ASB13: variants seen among roughly 807,000 people sequenced by gnomAD.
ASB13 encodes ankyrin repeat and SOCS box protein 13.
In ASB13, 33 loss-of-function variants were observed where a neutral mutation model predicts 28.8. The ratio of observed to expected loss-of-function variants is 1.15; its 90% CI spans 0.87 to 1.53. The LOEUF is 1.53. Among genes scored for constraint, ASB13 ranks in the 40% most tolerant of loss-of-function variants. The probability of loss-of-function intolerance (pLI) is 0.00; values close to 1 mark genes in which losing one functional copy is unlikely to be tolerated. For synonymous variants in ASB13, 182 were observed against 172.9 expected (o/e 1.05, Z -0.41); for missense variants, 414 against 390.1 (o/e 1.06, Z -0.52).
At chr10:5,648,265 A>G (rs149694830) in intron 4 of ASB13, among the ~76,000 whole-genome samples, 2,617 of 144,420 alleles carry the variant, frequency 0.018, 55 homozygotes, top group Admixed American at 0.056. Flanking sequence ...ACACCCACTC[A>G]GGTAAACACC....
chr10:5,642,768 T>C lies in ASB13; in HGVS notation c.518-807A>G, dbSNP rs1834829979. Among the ~76,000 whole-genome samples the C allele has an allele frequency of 6.6e-6, 1 of 151,820 alleles. No homozygotes were observed. The highest frequency in any genetic ancestry group is 2.4e-5 in the African/African-American group (1 of 41,344). On this transcript the variant is annotated intron_variant, in intron 4 of 5. Coordinates refer to ENST00000357700, the MANE Select transcript of ASB13 (RefSeq NM_024701.4). This position sits in a 1 kb window ranked among gnomAD's most constrained non-coding sequence, Gnocchi z 4.1. ...TTCAAGCGATTCTCCTGCCTCAGCCTCCCGAGTTGCTGGGATGACAGGTGT... is the reference window on the plus strand; with the variant it reads ...TTCAAGCGATTCTCCTGCCTCAGCCCCCCGAGTTGCTGGGATGACAGGTGT...
At chr10:5,662,772 CCA>C (rs1220782175) in intron 1 of ASB13, among the ~76,000 whole-genome samples, 2 of 152,042 alleles carry the variant, frequency 1.3e-5, no homozygotes, top group African/African-American at 4.8e-5. Flanking sequence ...GACAAAGAGA[CCA>C]CAGAGGAAAA....
rs1389520269 is a variant in ASB13, at chr10:5,641,688, C to A, written c.709+82G>T. 2.8e-6 allele frequency: 4 copies of A among 1,422,610 alleles called. No homozygotes were observed. The highest frequency in any genetic ancestry group is 3.8e-6 in the Non-Finnish European group (4 of 1,052,842). 88.1% of individuals were successfully genotyped at this position (1,422,610 alleles called of 1,614,324 possible). A position where few individuals can be genotyped will look rare whatever the true frequency, so the allele number is the denominator to read the frequency against. On this transcript the variant is annotated intron_variant, in intron 5 of 5. Coordinates refer to ENST00000357700, the MANE Select transcript of ASB13 (RefSeq NM_024701.4). This position sits in a 1 kb window ranked among gnomAD's most constrained non-coding sequence, Gnocchi z 8.4. Reference sequence around the variant, plus strand: ...CCAGGACTAACAGCCCAGCTCTCCGCGGAAGCCCACAGGGAGCCGGCACGT... The same window carrying A: ...CCAGGACTAACAGCCCAGCTCTCCGAGGAAGCCCACAGGGAGCCGGCACGT...
intron 4 of ASB13, among the ~76,000 whole-genome samples, chr10:5,643,241 TTCCCGACAG>T (rs1395014060): frequency 6.6e-6 from 1 of 152,182 alleles, no homozygotes; most frequent in Non-Finnish European, 1.5e-5. Flanking sequence ...ATGCCATCAC[TTCCCGACAG>T]TCTCAGAGGG....
rs1834862529 is a variant in ASB13, at chr10:5,645,033, G to C, written c.518-3072C>G. Among the ~76,000 whole-genome samples the C allele has an allele frequency of 1.3e-5, 2 of 151,994 alleles. No individual in the cohort carries two copies. ...AAACAAGCAGGGAATTAAAAGCTCTGAACTTCGTGCTTCAGAGAAAAGGGG... is the reference window on the plus strand; with the variant it reads ...AAACAAGCAGGGAATTAAAAGCTCTCAACTTCGTGCTTCAGAGAAAAGGGG... On this transcript the variant is annotated intron_variant, in intron 4 of 5. Transcript: ENST00000357700. This position sits in a 1 kb window ranked among gnomAD's most constrained non-coding sequence, Gnocchi z 5.4.
In ASB13 at chr10:5,656,405, G is replaced by C. The variant is rs1324516542; in HGVS notation, c.44-3355C>G. On this transcript the variant is annotated intron_variant, in intron 1 of 5. Coordinates refer to ENST00000357700, the MANE Select transcript of ASB13 (RefSeq NM_024701.4). The surrounding 1 kb of genome is among the most constrained non-coding windows in gnomAD (Gnocchi z 4.3). ...ATACAAAGAATTAGCCGGCCGTGGT[G>C]GCACGTGCCTGTAATCCCAGCTACT... 6.6e-6 allele frequency among the ~76,000 whole-genome samples: 1 copy of C among 152,144 alleles called. No individual in the cohort carries two copies. The highest frequency in any genetic ancestry group is 1.5e-5 in the Non-Finnish European group (1 of 68,038).
At position 5,655,917 on chromosome 10, in the gene ASB13, A is replaced by G. The variant is rs1449724636; in HGVS notation, c.44-2867T>C. 6.6e-6 allele frequency among the ~76,000 whole-genome samples: 1 copy of G among 152,236 alleles called. No homozygotes were observed. Among genetic ancestry groups the G allele is most frequent in the East Asian group, 1.9e-4 (1 of 5,196 alleles). On this transcript the variant is annotated intron_variant, in intron 1 of 5. Transcript: ENST00000357700. This position sits in a 1 kb window ranked among gnomAD's most constrained non-coding sequence, Gnocchi z 6.2. ...ATTCACAAGACGTCCAGGTGGATTT[A>G]GCGTCTTCCGCTGCCACACGCAAAG...
At position 5,659,177 on chromosome 10, in the gene ASB13, C is replaced by A. The variant is rs535300737; in HGVS notation, c.44-6127G>T. On this transcript the variant is annotated intron_variant, in intron 1 of 5. Coordinates refer to ENST00000357700, the MANE Select transcript of ASB13 (RefSeq NM_024701.4). The surrounding 1 kb of genome is among the most constrained non-coding windows in gnomAD (Gnocchi z 5.8). ...CAGGCTCCCTGTGGTGGCAAGACGC[C>A]CCCCCTCCCCAATCCCTGCACCCTC... Among the ~76,000 whole-genome samples, 5 of 152,108 alleles carry A rather than the reference C, an allele frequency of 3.3e-5. No homozygotes were observed. The highest frequency in any genetic ancestry group is 7.4e-5 in the Non-Finnish European group (5 of 68,000).
chr10:5,640,445 T>G lies in ASB13; in HGVS notation c.*258A>C. ...GAGGAAAACTGGATGGTTGGGCCCA[T>G]GCCCATTGAGAGGGTAGGTTCTGTA... is the stretch of plus-strand genomic sequence containing the variant. On this transcript the variant is annotated 3_prime_UTR_variant, in exon 6 of 6. Transcript: ENST00000357700. The G allele has an allele frequency of 2.4e-6, 1 of 422,620 alleles. No homozygotes were observed. The highest frequency in any genetic ancestry group is 2.9e-5 in the South Asian group (1 of 34,090). 26.2% of individuals were successfully genotyped at this position (422,620 alleles called of 1,614,324 possible).
chr10:5,647,237 C>T (rs903914610), intron 4 of ASB13, among the ~76,000 whole-genome samples: 5 of 152,194 alleles, frequency 3.3e-5, no homozygotes, highest in Admixed American at 2.6e-4. Context: ...GAGACTATGG[C>T]TGTGAGCCAC....
At chr10:5,646,768 C>T (rs529597991) in intron 4 of ASB13, among the ~76,000 whole-genome samples, 1 of 152,270 alleles carries the variant, frequency 6.6e-6, no homozygotes, top group East Asian at 1.9e-4. Context: ...AAGTTGATCC[C>T]TTTCCCTACA....
rs577653207 is a variant in ASB13 at position 5,659,804 on chromosome 10, G to T, written c.43+6705C>A. Among the ~76,000 whole-genome samples the T allele has an allele frequency of 1.1e-3, 165 of 152,202 alleles. No homozygotes were observed. Among genetic ancestry groups the T allele is most frequent in the African/African-American group, 3.9e-3 (160 of 41,526 alleles). On this transcript the variant is annotated intron_variant, in intron 1 of 5. Coordinates refer to ENST00000357700, the MANE Select transcript of ASB13 (RefSeq NM_024701.4). This position sits in a 1 kb window ranked among gnomAD's most constrained non-coding sequence, Gnocchi z 5.8. The stretch of plus-strand genomic sequence containing the variant: ...CTCCCCACACAGGCTGCTCGTGCAG[G>T]TATCTGAATGAATAAGCACTCCCCA...
chr10:5,661,551 G>A lies in ASB13; in HGVS notation c.43+4958C>T, dbSNP rs1306840633. Among the ~76,000 whole-genome samples the A allele has an allele frequency of 2.0e-5, 3 of 152,312 alleles. No homozygotes were observed. In the East Asian group the frequency reaches 5.8e-4, roughly 29 times the overall value. ...TCGCTGTCACCCAAGCTGAAGTGCA[G>A]TGGTGTGATCAGGGCTCACTGCAGC... On this transcript the variant is annotated intron_variant, in intron 1 of 5. Transcript: ENST00000357700. The surrounding 1 kb of genome is among the most constrained non-coding windows in gnomAD (Gnocchi z 4.9).
chr10:5,661,787 C>T lies in ASB13; in HGVS notation c.43+4722G>A, dbSNP rs755238277. Among the ~76,000 whole-genome samples, 27 of 152,226 alleles carry T rather than the reference C, an allele frequency of 1.8e-4. No individual in the cohort carries two copies. Among genetic ancestry groups the T allele is most frequent in the Admixed American group, 1.4e-3 (22 of 15,278 alleles). Reference sequence around the variant, plus strand: ...GTGCTGGGATTACAGGCATGAGCCCCAGGCCCAGCCCAGAATGCACTCTTA... The same window carrying T: ...GTGCTGGGATTACAGGCATGAGCCCTAGGCCCAGCCCAGAATGCACTCTTA... On this transcript the variant is annotated intron_variant, in intron 1 of 5. Transcript: ENST00000357700. This position sits in a 1 kb window ranked among gnomAD's most constrained non-coding sequence, Gnocchi z 4.9.
In ASB13 at chr10:5,641,922, A is replaced by G; in HGVS notation, c.557T>C (p.Leu186Pro). 1 of 1,612,562 alleles carries G rather than the reference A, an allele frequency of 6.2e-7. No homozygotes were observed. The highest frequency in any genetic ancestry group is 8.5e-7 in the Non-Finnish European group (1 of 1,178,618). Reference protein sequence around the residue: ...VNAAKLHETALHHAAKVKNVD... With the variant: ...VNAAKLHETAPHHAAKVKNVD... ...ATTCTTGACCTTGGCCGCGTGGTGAAGGGCAGTCTCATGAAGCTTTGCCGC... is the reference window on the plus strand; with the variant it reads ...ATTCTTGACCTTGGCCGCGTGGTGAGGGGCAGTCTCATGAAGCTTTGCCGC... Residue 186 changes from leucine to proline, a missense_variant, in exon 5 of 6, where the codon CTT becomes CCT. Leu to Pro is a moderately conservative substitution (Grantham distance 98, BLOSUM62 -3). Coordinates refer to ENST00000357700, the MANE Select transcript of ASB13 (RefSeq NM_024701.4). This position sits in a 1 kb window ranked among gnomAD's most constrained non-coding sequence, Gnocchi z 8.4.
rs1834968621 is a variant in ASB13, at chr10:5,650,574, G to A, written c.382+639C>T. Among the ~76,000 whole-genome samples, 1 of 152,230 alleles carries A rather than the reference G, an allele frequency of 6.6e-6. No homozygotes were observed. The highest frequency in any genetic ancestry group is 2.1e-4 in the South Asian group (1 of 4,836). On this transcript the variant is annotated intron_variant, in intron 3 of 5. Coordinates refer to ENST00000357700, the MANE Select transcript of ASB13 (RefSeq NM_024701.4). This position sits in a 1 kb window ranked among gnomAD's most constrained non-coding sequence, Gnocchi z 6.0. Reference sequence around the variant, plus strand: ...CAGTTTGCAACCTCTGCTCGAAAGAGTAGAATCTAAACTCCTTAGTCTGTC... The same window carrying A: ...CAGTTTGCAACCTCTGCTCGAAAGAATAGAATCTAAACTCCTTAGTCTGTC...
chr10:5,652,756 C>A lies in ASB13; in HGVS notation c.231+107G>T. The A allele has an allele frequency of 8.4e-7, 1 of 1,194,682 alleles. No individual in the cohort carries two copies. 74.0% of individuals were successfully genotyped at this position (1,194,682 alleles called of 1,614,324 possible). A position where few individuals can be genotyped will look rare whatever the true frequency, so the allele number is the denominator to read the frequency against. ...CTTCCTGGTACCTGTGTGCAGTGGA[C>A]ACAGTGCAGCCCCCATCCTCCCCTC... On this transcript the variant is annotated intron_variant, in intron 2 of 5. Transcript: ENST00000357700. This position sits in a 1 kb window ranked among gnomAD's most constrained non-coding sequence, Gnocchi z 5.0.
chr10:5,663,362 A>C lies in ASB13; in HGVS notation c.43+3147T>G, dbSNP rs1835205470. On this transcript the variant is annotated intron_variant, in intron 1 of 5. Coordinates refer to ENST00000357700, the MANE Select transcript of ASB13 (RefSeq NM_024701.4). This position sits in a 1 kb window ranked among gnomAD's most constrained non-coding sequence, Gnocchi z 4.9. ...GCTAAAACCACACTGGATTCGCTGC[A>C]TTATCCTTCAATGTCTCCTCCCCTG... is the stretch of plus-strand genomic sequence containing the variant. 6.6e-6 allele frequency among the ~76,000 whole-genome samples: 1 copy of C among 152,184 alleles called. No homozygotes were observed. The highest frequency in any genetic ancestry group is 1.5e-5 in the Non-Finnish European group (1 of 68,014).
rs1276718165 is a variant in ASB13, at chr10:5,656,847, A to T, written c.44-3797T>A. On this transcript the variant is annotated intron_variant, in intron 1 of 5. Coordinates refer to ENST00000357700, the MANE Select transcript of ASB13 (RefSeq NM_024701.4). The surrounding 1 kb of genome is among the most constrained non-coding windows in gnomAD (Gnocchi z 4.3). ...TGGTCCTTGGTTACCTCTTGATCCC[A>T]ACAGCCTCTTTTTCCCACTGCCCTT... Among the ~76,000 whole-genome samples, 1 of 152,202 alleles carries T rather than the reference A, an allele frequency of 6.6e-6. No individual in the cohort carries two copies. Among genetic ancestry groups the T allele is most frequent in the Non-Finnish European group, 1.5e-5 (1 of 68,034 alleles).
Sources: allele counts gnomAD v4.1 joint callset (sites outside exome capture counted in the v4.1 genomes callset), GRCh38; gene constraint gnomAD v4.1.1; non-coding constraint Gnocchi (gnomAD v3.1); transcripts MANE v1.5; gene names NCBI Gene and HGNC (gene_info 2026-07-23, HGNC 2026-07-21).